The following RAD51B variants were observed in gnomAD, a reference collection of about 807,000 sequenced individuals.
RAD51B encodes the protein DNA repair protein RAD51 homolog 2.
RAD51B carries 38 observed loss-of-function variants against 42.2 expected under a neutral mutation model. That is an observed-to-expected ratio of 0.90 (90% CI 0.70 to 1.18). The LOEUF (loss-of-function observed/expected upper bound fraction) is 1.18. RAD51B is among the 50% of genes most tolerant of loss of function. RAD51B has a pLI of 0.00. For missense variants in RAD51B, 373 were observed against 400.7 expected (o/e 0.93, Z 0.59); for synonymous variants, 154 against 145.2 (o/e 1.06, Z -0.43).
At position 68,664,740 on chromosome 14, in the gene RAD51B, T is replaced by G. The variant is rs796096983; in HGVS notation, c.*11+13884T>G. 4.6e-5 allele frequency among the ~76,000 whole-genome samples: 7 copies of G among 152,340 alleles called. 1 individual carries two copies. The highest frequency in any genetic ancestry group is 1.7e-4 in the African/African-American group (7 of 41,576). On this transcript the variant is annotated intron_variant, in intron 11 of 11. Transcript: ENST00000488612. ...CTGCTCCAACCCCAATCCTTACTCC[T>G]GAGCCTTTACCACTCAACTATCAAT...
At chr14:68,206,471 C>T (rs1245019684) in intron 7 of RAD51B, among the ~76,000 whole-genome samples, 1 of 152,140 alleles carries the variant, frequency 6.6e-6, no homozygotes, top group Non-Finnish European at 1.5e-5. Context: ...TTTGACATTC[C>T]TTCCACATTC....
intron 7 of RAD51B, among the ~76,000 whole-genome samples, chr14:68,211,696 G>A (rs2079712396): frequency 6.6e-6 from 1 of 152,150 alleles, no homozygotes; most frequent in African/African-American, 2.4e-5. Context: ...TTGTCTCTAG[G>A]CCAAAGACTG....
intron 9 of RAD51B, among the ~76,000 whole-genome samples, chr14:68,433,337 A>G (rs1051187127): frequency 6.6e-6 from 1 of 152,096 alleles, no homozygotes; most frequent in African/African-American, 2.4e-5. Context: ...TATCCTGCAG[A>G]GTGTTTTCCA....
intron 11 of RAD51B, among the ~76,000 whole-genome samples, chr14:68,668,808 A>G: frequency 6.6e-6 from 1 of 152,222 alleles, no homozygotes; most frequent in East Asian, 1.9e-4. Flanking sequence ...GCTGAAGGTG[A>G]CAAGTCAGGG....
intron 7 of RAD51B, among the ~76,000 whole-genome samples, chr14:68,123,802 C>T (rs565435319): frequency 5.9e-5 from 9 of 152,114 alleles, no homozygotes; most frequent in Admixed American, 2.6e-4. Context: ...AGTGAGACTC[C>T]GTCTCAAAAA....
chr14:68,012,313 C>T (rs1343574939), intron 7 of RAD51B, among the ~76,000 whole-genome samples: 3 of 152,012 alleles, frequency 2.0e-5, no homozygotes, highest in Non-Finnish European at 4.4e-5. Flanking sequence ...ATTTCTCTAC[C>T]ATGGTCTGTC....
At chr14:68,402,291 CA>C (rs1253907249) in intron 8 of RAD51B, among the ~76,000 whole-genome samples, 1 of 152,168 alleles carries the variant, frequency 6.6e-6, no homozygotes, top group East Asian at 1.9e-4. Flanking sequence ...TAAAATTCTG[CA>C]TTGAATGGAA....
intron 10 of RAD51B, among the ~76,000 whole-genome samples, chr14:68,546,602 C>T (rs1244081754): frequency 6.6e-6 from 1 of 151,996 alleles, no homozygotes; most frequent in Non-Finnish European, 1.5e-5. Context: ...TGGTGATAAA[C>T]GAAGCCAACA....
chr14:67,891,601 AT>A (rs931765368), intron 7 of RAD51B, among the ~76,000 whole-genome samples: 9 of 151,426 alleles, frequency 5.9e-5, no homozygotes, highest in Non-Finnish European at 1.0e-4. Flanking sequence ...ACAAGCACAA[AT>A]TTTTTTTTCC....
intron 8 of RAD51B, among the ~76,000 whole-genome samples, chr14:68,357,869 C>T (rs1309293389): frequency 6.6e-6 from 1 of 152,198 alleles, no homozygotes; most frequent in East Asian, 1.9e-4. Context: ...TTCAACATGC[C>T]TTCCTCACTA....
intron 7 of RAD51B, among the ~76,000 whole-genome samples, chr14:68,012,120 G>A (rs962197907): frequency 3.3e-5 from 5 of 152,016 alleles, no homozygotes; most frequent in Non-Finnish European, 5.9e-5. Flanking sequence ...TATTGTAATG[G>A]AAATAATGGA....
intron 7 of RAD51B, among the ~76,000 whole-genome samples, chr14:67,894,177 G>A (rs1321698991): frequency 6.6e-6 from 1 of 152,138 alleles, no homozygotes; most frequent in South Asian, 2.1e-4. Flanking sequence ...ACAATGTTTG[G>A]CATATTCAGT....
intron 10 of RAD51B, among the ~76,000 whole-genome samples, chr14:68,531,003 A>G (rs1887267935): frequency 6.6e-6 from 1 of 152,128 alleles, no homozygotes; most frequent in South Asian, 2.1e-4. Flanking sequence ...TAAGATATTG[A>G]AAATTTCAGA....
chr14:68,382,047 C>A (rs914093876), intron 8 of RAD51B, among the ~76,000 whole-genome samples: 1 of 152,180 alleles, frequency 6.6e-6, no homozygotes, highest in African/African-American at 2.4e-5. Flanking sequence ...AGAGAAAAGA[C>A]CTAGGAAGAA....
At chr14:68,079,308 T>A (rs1019029882) in intron 7 of RAD51B, among the ~76,000 whole-genome samples, 3 of 152,204 alleles carry the variant, frequency 2.0e-5, no homozygotes, top group African/African-American at 7.2e-5. Context: ...TCTTTTTTAT[T>A]TCATGTGGTC....
chr14:68,500,249 A>G (rs2525510), intron 10 of RAD51B, among the ~76,000 whole-genome samples: 57,993 of 152,162 alleles, frequency 0.38, 12,647 homozygotes, highest in South Asian at 0.59. Flanking sequence ...ACATGTGCTA[A>G]GTATGTCACA....
At chr14:68,016,085 A>G (rs1356317904) in intron 7 of RAD51B, among the ~76,000 whole-genome samples, 3 of 152,238 alleles carry the variant, frequency 2.0e-5, no homozygotes, top group African/African-American at 4.8e-5. Context: ...CACTCAACAC[A>G]GTACTTATCA....
intron 10 of RAD51B, among the ~76,000 whole-genome samples, chr14:68,638,695 A>G (rs1264416383): frequency 6.6e-6 from 1 of 152,004 alleles, no homozygotes; most frequent in African/African-American, 2.4e-5. Context: ...CAGTGGGAGG[A>G]AAAGGGTGCC....
chr14:68,547,879 G>A (rs1459359629), intron 10 of RAD51B, among the ~76,000 whole-genome samples: 2 of 152,202 alleles, frequency 1.3e-5, no homozygotes, highest in African/African-American at 4.8e-5. Flanking sequence ...TCACTGGTCT[G>A]TGTAGGTTGA....
Sources: gnomAD v4.1 joint callset for allele counts (sites outside exome capture counted in the v4.1 genomes callset) on GRCh38, gnomAD v4.1.1 for gene constraint, MANE v1.5 for transcripts, NCBI Gene and HGNC (gene_info 2026-07-23, HGNC 2026-07-21) for gene names.